TANGO6: variants seen among roughly 807,000 people sequenced by gnomAD.
The protein encoded by TANGO6 is transport and Golgi organization protein 6 homolog.
In TANGO6, 90 loss-of-function variants were observed where a neutral mutation model predicts 114.2. The observed-to-expected ratio is 0.79, with a 90% CI of 0.66 to 0.94. The LOEUF (loss-of-function observed/expected upper bound fraction) is 0.94. TANGO6 is among the 40% of genes least tolerant of loss of function. The pLI is 0.00. For missense variants in TANGO6, 1,274 were observed against 1,315.3 expected (o/e 0.97, Z 0.49); for synonymous variants, 477 against 509.8 (o/e 0.94, Z 0.87).
At chr16:69,012,605 C>T (rs1260897985) in intron 15 of TANGO6, among the ~76,000 whole-genome samples, 2 of 134,540 alleles carry the variant, frequency 1.5e-5, no homozygotes, top group Admixed American at 7.3e-5. Flanking sequence ...GAAAGAAATA[C>T]CTGAGGAAAA....
At chr16:68,956,857 GA>G (rs962548870) in intron 14 of TANGO6, among the ~76,000 whole-genome samples, 1 of 150,842 alleles carries the variant, frequency 6.6e-6, no homozygotes. Context: ...TGTCTCAAAA[GA>G]AAAAAAAGGA....
At chr16:69,012,556 C>CAAAAAAAA (rs1175561720) in intron 15 of TANGO6, among the ~76,000 whole-genome samples, 998 of 36,432 alleles carry the variant, frequency 0.027, 19 homozygotes, top group Non-Finnish European at 0.043. Flanking sequence ...AACTCTGTCT[C>CAAAAAAAA]AAAAAAAAAA....
intron 7 of TANGO6, among the ~76,000 whole-genome samples, chr16:68,891,462 G>T (rs957550334): frequency 2.0e-5 from 3 of 151,762 alleles, no homozygotes; most frequent in Non-Finnish European, 4.4e-5. Flanking sequence ...TCCCTCTCAA[G>T]AATTCAAAAA....
chr16:69,082,369 G>A, intron 17 of TANGO6, among the ~76,000 whole-genome samples: 1 of 152,074 alleles, frequency 6.6e-6, no homozygotes. Context: ...CTCTCAAAGT[G>A]CTGGGATTAC....
At chr16:68,904,046 T>C (rs1342757681) in intron 9 of TANGO6, among the ~76,000 whole-genome samples, 2 of 152,224 alleles carry the variant, frequency 1.3e-5, no homozygotes, top group African/African-American at 4.8e-5. Flanking sequence ...CTCTTTATTG[T>C]TGAATTTTAA....
chr16:68,942,681 A>C (rs1005415080), intron 14 of TANGO6, among the ~76,000 whole-genome samples: 1 of 152,150 alleles, frequency 6.6e-6, no homozygotes, highest in African/African-American at 2.4e-5. Flanking sequence ...TAAGATAAAC[A>C]CTTTCATGTC....
chr16:68,991,840 A>C (rs942477642), intron 15 of TANGO6, among the ~76,000 whole-genome samples: 1 of 152,032 alleles, frequency 6.6e-6, no homozygotes, highest in African/African-American at 2.4e-5. Flanking sequence ...AAAAATACAA[A>C]AGAAAGGAGA....
At chr16:68,882,359 T>A (rs962058270) in intron 7 of TANGO6, among the ~76,000 whole-genome samples, 2 of 151,882 alleles carry the variant, frequency 1.3e-5, no homozygotes, top group African/African-American at 4.8e-5. Flanking sequence ...TAGCCGGGCG[T>A]GGTGGCAGGC....
At chr16:68,890,581 A>T (rs951195250) in intron 7 of TANGO6, among the ~76,000 whole-genome samples, 1 of 152,240 alleles carries the variant, frequency 6.6e-6, no homozygotes, top group African/African-American at 2.4e-5. Flanking sequence ...GAAGTCTATG[A>T]AATGAGAAAT....
chr16:69,063,230 A>C (rs1029978742), intron 17 of TANGO6, among the ~76,000 whole-genome samples: 5 of 151,748 alleles, frequency 3.3e-5, no homozygotes, highest in Non-Finnish European at 7.4e-5. Context: ...CTGAAAAAAA[A>C]AAAAAAACAC....
At chr16:69,050,750 A>T (rs961368602) in intron 17 of TANGO6, among the ~76,000 whole-genome samples, 4 of 152,020 alleles carry the variant, frequency 2.6e-5, no homozygotes, top group Admixed American at 6.6e-5. Flanking sequence ...GGCCTCCCAA[A>T]GTGCTGGGAT....
intron 15 of TANGO6, among the ~76,000 whole-genome samples, chr16:68,999,667 T>G (rs1398623233): frequency 6.6e-6 from 1 of 152,220 alleles, no homozygotes; most frequent in African/African-American, 2.4e-5. Context: ...TGTTTTATAC[T>G]CCTTAGAGGA....
intron 17 of TANGO6, among the ~76,000 whole-genome samples, chr16:69,080,909 C>T (rs1015486319): frequency 3.9e-5 from 6 of 152,074 alleles, no homozygotes; most frequent in African/African-American, 1.2e-4. Context: ...GAGGCCGAGG[C>T]GGGCAGATCA....
chr16:68,995,484 A>C (rs905866848), intron 15 of TANGO6, among the ~76,000 whole-genome samples: 1 of 152,210 alleles, frequency 6.6e-6, no homozygotes, highest in African/African-American at 2.4e-5. Flanking sequence ...ATGTGCATCC[A>C]TATAGGGCTT....
At chr16:69,001,189 T>C (rs1302098888) in intron 15 of TANGO6, among the ~76,000 whole-genome samples, 2 of 152,204 alleles carry the variant, frequency 1.3e-5, no homozygotes, top group Admixed American at 6.5e-5. Flanking sequence ...TCTGACTCTT[T>C]CCAGCACAGT....
chr16:68,974,990 C>T (rs1022037141), intron 15 of TANGO6, among the ~76,000 whole-genome samples: 1 of 150,768 alleles, frequency 6.6e-6, no homozygotes, highest in Non-Finnish European at 1.5e-5. Context: ...CCTGGGAGGT[C>T]GAGGCTGCAG....
intron 14 of TANGO6, among the ~76,000 whole-genome samples, chr16:68,960,187 C>T (rs1354876818): frequency 1.3e-5 from 2 of 151,948 alleles, no homozygotes; most frequent in African/African-American, 4.8e-5. Flanking sequence ...CCGTGATCAG[C>T]TGAATTATAA....
At chr16:69,047,556 G>C (rs986047493) in intron 17 of TANGO6, among the ~76,000 whole-genome samples, 2 of 151,756 alleles carry the variant, frequency 1.3e-5, no homozygotes, top group African/African-American at 4.8e-5. Context: ...TTTCCCCTAG[G>C]AGCAGTGGTT....
In TANGO6 at chr16:69,022,904, C is replaced by CA; in HGVS notation, c.2920dup (p.Arg974LysfsTer25). On this transcript the variant is annotated frameshift_variant, in exon 16 of 18. Transcript: ENST00000261778. LOFTEE classifies it high-confidence loss of function. ...GAGTGAGAGATCCTGATGGTGCTCA[C>CA]AGGGCCAGCAGCTTGGCCAACCTTG... 1 of 1,600,178 alleles carries CA rather than the reference C, an allele frequency of 6.2e-7. No individual in the cohort carries two copies. Among genetic ancestry groups the CA allele is most frequent in the Non-Finnish European group, 8.5e-7 (1 of 1,173,238 alleles).
Sources: gnomAD v4.1 joint callset for allele counts (sites outside exome capture counted in the v4.1 genomes callset) on GRCh38, gnomAD v4.1.1 for gene constraint, MANE v1.5 for transcripts, NCBI Gene and HGNC (gene_info 2026-07-23, HGNC 2026-07-21) for gene names.